AGK: variants seen among roughly 807,000 people sequenced by gnomAD.
AGK encodes the protein acylglycerol kinase, also known as acylglycerol kinase, mitochondrial.
AGK carries 52 observed loss-of-function variants against 66.4 expected under a neutral mutation model. That is an observed-to-expected ratio of 0.78 (90% CI 0.63 to 0.99). The LOEUF (loss-of-function observed/expected upper bound fraction) is 0.99. Ranked by LOEUF, AGK falls within the 50% of genes least tolerant of loss-of-function variation. The pLI is 0.00. For synonymous variants in AGK, 182 were observed against 181.1 expected (o/e 1.00, Z -0.04); for missense variants, 451 against 506.6 (o/e 0.89, Z 1.05).
chr7:141,623,912 T>A (rs1796880799), intron 9 of AGK, among the ~76,000 whole-genome samples: 1 of 152,078 alleles, frequency 6.6e-6, no homozygotes, highest in African/African-American at 2.4e-5. Flanking sequence ...CCAATGCTCA[T>A]CTACCATTCC....
chr7:141,630,378 A>C (rs1174302971), intron 9 of AGK, among the ~76,000 whole-genome samples: 2 of 152,122 alleles, frequency 1.3e-5, no homozygotes, highest in African/African-American at 4.8e-5. Flanking sequence ...GTTGATAATA[A>C]CGTATATTTA....
chr7:141,615,485 G>T lies in AGK; in HGVS notation c.438G>T (p.Lys146Asn), dbSNP rs751367306. ...TCCCCCCCCAGGCTACCTTCAGTAA[G>T]ATTCCCATTGGATTTATCCCACTGG... ...LRRTDEATFS[K>N]IPIGFIPLGE... The change falls in exon 8 of 16, where the codon AAG becomes AAT. Residue 146 changes from lysine to asparagine, a missense_variant. Lys to Asn is a moderately conservative substitution (Grantham distance 94). Coordinates refer to ENST00000649286, the MANE Select transcript of AGK (RefSeq NM_018238.4). The T allele has an allele frequency of 6.2e-6, 10 of 1,613,426 alleles. No homozygotes were observed. Among genetic ancestry groups the T allele is most frequent in the Non-Finnish European group, 8.5e-6 (10 of 1,179,632 alleles).
At chr7:141,557,985 T>C (rs1336853545) in intron 2 of AGK, among the ~76,000 whole-genome samples, 5 of 151,402 alleles carry the variant, frequency 3.3e-5, no homozygotes, top group Admixed American at 2.0e-4. Context: ...TCTGTACCCA[T>C]TGAACAACTG....
chr7:141,593,312 A>G (rs781449900), intron 3 of AGK, 127 bp downstream of exon 3: 27 of 858,140 alleles, frequency 3.1e-5, no homozygotes, highest in Non-Finnish European at 1.5e-5. Context: ...TAGCACTATC[A>G]GGATGAATCA....
chr7:141,558,454 T>G (rs898077307), intron 2 of AGK, among the ~76,000 whole-genome samples: 9 of 152,204 alleles, frequency 5.9e-5, no homozygotes, highest in South Asian at 2.1e-4. Flanking sequence ...TGTGAGCCAC[T>G]GCGCCTGGCC....
intron 5 of AGK, among the ~76,000 whole-genome samples, chr7:141,604,281 A>T (rs930000889): frequency 5.3e-5 from 8 of 149,578 alleles, no homozygotes; most frequent in South Asian, 2.1e-4. Context: ...ACTTACCCAA[A>T]CTCCTCAAAT....
chr7:141,615,770 C>T, intron 8 of AGK: 1 of 562,728 alleles, frequency 1.8e-6, no homozygotes, highest in Non-Finnish European at 3.2e-6. Context: ...GTCTCCAGGT[C>T]AGGTAGGGAG....
intron 11 of AGK, among the ~76,000 whole-genome samples, chr7:141,640,807 G>T (rs1214727083): frequency 6.6e-6 from 1 of 152,158 alleles, no homozygotes; most frequent in Non-Finnish European, 1.5e-5. Flanking sequence ...AGAAGCCTTG[G>T]GCTGGATTGT....
intron 2 of AGK, among the ~76,000 whole-genome samples, chr7:141,583,073 A>G (rs1343675398): frequency 3.3e-5 from 5 of 151,878 alleles, no homozygotes; most frequent in African/African-American, 4.9e-5. Context: ...ACCTCAGACC[A>G]TTTGCCCATT....
At chr7:141,582,092 G>T (rs1275411715) in intron 2 of AGK, among the ~76,000 whole-genome samples, 1 of 152,020 alleles carries the variant, frequency 6.6e-6, no homozygotes, top group East Asian at 1.9e-4. Flanking sequence ...GTCTTCAGCC[G>T]CTAAGTCAAG....
intron 11 of AGK, among the ~76,000 whole-genome samples, chr7:141,638,613 G>A (rs1387220939): frequency 6.6e-6 from 1 of 152,156 alleles, no homozygotes; most frequent in Admixed American, 6.5e-5. Context: ...GTGACGTATA[G>A]ACTAAGGAGG....
chr7:141,593,168 G>T lies in AGK; in HGVS notation c.124G>T (p.Ala42Ser). Residue 42 changes from alanine to serine, a missense_variant, in exon 3 of 16, where the codon GCC (alanine) becomes TCC (serine). By Grantham distance (99) the Ala-to-Ser change is moderately conservative (BLOSUM62 1). Coordinates refer to ENST00000649286, the MANE Select transcript of AGK (RefSeq NM_018238.4). ...KHCDNLLRRA[A>S]CQEAQVFGNQ... ...TAGTGATAACCTCCTAAGGAGAGCA[G>T]CCTGTCAAGAAGCTCAGGTAATACT... 1 of 1,612,216 alleles carries T rather than the reference G, an allele frequency of 6.2e-7. No individual in the cohort carries two copies. Among genetic ancestry groups the T allele is most frequent in the African/African-American group, 1.3e-5 (1 of 75,018 alleles).
chr7:141,645,228 A>G lies in AGK; in HGVS notation c.975+3320A>G, dbSNP rs928023931. Reference sequence around the variant, plus strand: ...TTATTTAGGTCTTCAATGTCTTTCAATGAAGTTTTATAGTTTTCTCTGGAA... The same window carrying G: ...TTATTTAGGTCTTCAATGTCTTTCAGTGAAGTTTTATAGTTTTCTCTGGAA... On this transcript the variant is annotated intron_variant, in intron 13 of 15. Coordinates refer to ENST00000649286, the MANE Select transcript of AGK (RefSeq NM_018238.4). 3.9e-5 allele frequency among the ~76,000 whole-genome samples: 6 copies of G among 152,168 alleles called. 1 individual carries two copies. In the South Asian group the frequency reaches 8.3e-4, roughly 21 times the overall value.
At chr7:141,651,931 T>C (rs1387216279) in intron 15 of AGK, among the ~76,000 whole-genome samples, 2 of 152,200 alleles carry the variant, frequency 1.3e-5, no homozygotes, top group Non-Finnish European at 2.9e-5. Context: ...TTAAGACACA[T>C]AGAGAATTGT....
intron 5 of AGK, among the ~76,000 whole-genome samples, chr7:141,605,043 T>C (rs1587118721): frequency 6.6e-6 from 1 of 152,222 alleles, no homozygotes; most frequent in East Asian, 1.9e-4. Context: ...TTATGTAGTT[T>C]AGTGGAAGTA....
chr7:141,645,257 CCTGT>C (rs1304295415), intron 13 of AGK, among the ~76,000 whole-genome samples: 15 of 151,976 alleles, frequency 9.9e-5, no homozygotes, highest in African/African-American at 2.9e-4. Flanking sequence ...TCTGGAATAT[CCTGT>C]CTTTTGCTGG....
chr7:141,589,385 TA>T (rs1329057096), intron 2 of AGK, among the ~76,000 whole-genome samples: 1 of 152,210 alleles, frequency 6.6e-6, no homozygotes, highest in African/African-American at 2.4e-5. Flanking sequence ...ATTACTGAAA[TA>T]TTTTTGGAAT....
At position 141,653,701 on chromosome 7, in the gene AGK, T is replaced by C. The variant is rs1271336923; in HGVS notation, c.*777T>C. 2.0e-5 allele frequency: 3 copies of C among 152,184 alleles called. No individual in the cohort carries two copies. The highest frequency in any genetic ancestry group is 4.4e-5 in the Non-Finnish European group (3 of 68,032). 9.4% of individuals were successfully genotyped at this position (152,184 alleles called of 1,614,324 possible). On this transcript the variant is annotated 3_prime_UTR_variant, in exon 16 of 16. Transcript: ENST00000649286. The stretch of plus-strand genomic sequence containing the variant: ...GAGAAATCGTGTTTTAAAGCAGTAG[T>C]CCACAAAGTATTCTGCTCATGTGCC...
intron 2 of AGK, among the ~76,000 whole-genome samples, chr7:141,583,609 G>A (rs868722053): frequency 5.3e-5 from 8 of 151,926 alleles, no homozygotes; most frequent in Non-Finnish European, 1.5e-5. Context: ...GAAGGATCTA[G>A]GAAGGTGTCC....
Sources: allele counts gnomAD v4.1 joint callset (sites outside exome capture counted in the v4.1 genomes callset), GRCh38; gene constraint gnomAD v4.1.1; transcripts MANE v1.5; gene names NCBI Gene and HGNC (gene_info 2026-07-23, HGNC 2026-07-21).